The following HMGA2 variants were observed in gnomAD, a reference collection of about 807,000 sequenced individuals.
HMGA2 encodes high mobility group AT-hook 2, also known as high mobility group protein HMGI-C.
HMGA2 carries 8 observed loss-of-function variants against 19.1 expected under a neutral mutation model. The ratio of observed to expected loss-of-function variants is 0.42; its 90% CI spans 0.25 to 0.76. The LOEUF (loss-of-function observed/expected upper bound fraction) is 0.76, where lower values mean the gene tolerates loss of function less well. Among genes scored for constraint, HMGA2 ranks in the 30% least tolerant of loss-of-function variants. The pLI is 0.28. For missense variants in HMGA2, 109 were observed against 136.3 expected, an observed-to-expected ratio of 0.80 and a Z score of 1.00; for synonymous variants, 60 against 48.8, an observed-to-expected ratio of 1.23 and a Z score of -0.96.
chr12:65,863,897 A>T (rs1330876338), intron 3 of HMGA2, among the ~76,000 whole-genome samples: 1 of 152,238 alleles, frequency 6.6e-6, no homozygotes, highest in Admixed American at 6.5e-5. Context: ...TCCAGCAAAA[A>T]TGCTCTGTTC....
intron 3 of HMGA2, among the ~76,000 whole-genome samples, chr12:65,864,606 GA>G (rs959608424): frequency 6.6e-6 from 1 of 151,784 alleles, no homozygotes; most frequent in African/African-American, 2.4e-5. Context: ...AACATACTAG[GA>G]AAAAAAGGTT....
Position 65,895,973 on chromosome 12 carries a change from G to A in HMGA2, c.250-55410G>A, listed in dbSNP as rs1018675778. ...TTTGCATGTGTGTGTTTTCTTATCT[G>A]TAAAGTTTTAACTTTGGCTTACTGT... On this transcript the variant is annotated intron_variant, in intron 3 of 4. Coordinates refer to ENST00000403681, the MANE Select transcript of HMGA2 (RefSeq NM_003483.6). Among the ~76,000 whole-genome samples the A allele has an allele frequency of 1.1e-4, 16 of 152,288 alleles. 1 individual carries two copies. The highest frequency in any genetic ancestry group is 3.8e-4 in the African/African-American group (16 of 41,566).
intron 3 of HMGA2, among the ~76,000 whole-genome samples, chr12:65,844,050 C>CA (rs3048828): frequency 0.13 from 10,139 of 79,226 alleles, 1,020 homozygotes; most frequent in African/African-American, 0.25. Context: ...GACTCCATCT[C>CA]AAAAAAAAAA....
intron 3 of HMGA2, among the ~76,000 whole-genome samples, chr12:65,896,068 T>C (rs1235055535): frequency 6.6e-6 from 1 of 152,210 alleles, no homozygotes. Flanking sequence ...ATCTCCAAGG[T>C]TATGCAATAC....
chr12:65,864,970 T>G (rs992301853), intron 3 of HMGA2, among the ~76,000 whole-genome samples: 5 of 152,092 alleles, frequency 3.3e-5, no homozygotes, highest in Admixed American at 6.5e-5. Flanking sequence ...CTCTTCCACC[T>G]CTTCTCCCTC....
rs556397785 is a variant in HMGA2, at chr12:65,842,166, G to T, written c.249+3597G>T. 2.9e-5 allele frequency: 36 copies of T among 1,229,250 alleles called. No homozygotes were observed. In the African/African-American group the frequency reaches 5.6e-4, roughly 19 times the overall value. 76.1% of individuals were successfully genotyped at this position (1,229,250 alleles called of 1,614,324 possible). A position where few individuals can be genotyped will look rare whatever the true frequency, so the allele number is the denominator to read the frequency against. The stretch of plus-strand genomic sequence containing the variant: ...CTCAGGCTCTGGATTCAGATGGCTT[G>T]GGTTCAAATTCTGGTCCGTCACTTA... On this transcript the variant is annotated intron_variant, in intron 3 of 4. Transcript: ENST00000403681.
chr12:65,915,933 A>G (rs1875082689), intron 3 of HMGA2, among the ~76,000 whole-genome samples: 1 of 152,198 alleles, frequency 6.6e-6, no homozygotes, highest in Admixed American at 6.6e-5. Context: ...GAGCATCCAA[A>G]TGACCTAACC....
At chr12:65,891,272 A>C (rs1350317263) in intron 3 of HMGA2, among the ~76,000 whole-genome samples, 2 of 152,218 alleles carry the variant, frequency 1.3e-5, no homozygotes, top group African/African-American at 4.8e-5. Flanking sequence ...TAGGGGCCAG[A>C]CAGTGCTAGG....
intron 3 of HMGA2, chr12:65,867,617 G>A (rs1872496374): frequency 2.8e-6 from 1 of 356,788 alleles, no homozygotes; most frequent in South Asian, 2.2e-5. Flanking sequence ...CCAAGTTCAA[G>A]TTGTGTAAAA....
At position 65,825,706 on chromosome 12, in the gene HMGA2, C is replaced by A. The variant is rs1022440056; in HGVS notation, c.111+325C>A. On this transcript the variant is annotated intron_variant, in intron 1 of 4. Transcript: ENST00000403681. This position sits in a 1 kb window ranked among gnomAD's most constrained non-coding sequence, Gnocchi z 4.4. ...GTGTCGCCCAGTGACTGGAAGCGAC[C>A]GGGATCCGACAAACCCGGGCTCGCA... Among the ~76,000 whole-genome samples the A allele has an allele frequency of 1.3e-5, 2 of 152,144 alleles. No homozygotes were observed. The highest frequency in any genetic ancestry group is 2.4e-5 in the African/African-American group (1 of 41,450).
intron 4 of HMGA2, 180 bp downstream of exon 4, chr12:65,951,595 A>G (rs1482011051): frequency 7.5e-6 from 4 of 532,154 alleles, no homozygotes; most frequent in Non-Finnish European, 1.3e-5. Flanking sequence ...CAATCGTACC[A>G]TGAAAACCTC....
At chr12:65,866,178 C>T (rs1872400410) in intron 3 of HMGA2, among the ~76,000 whole-genome samples, 1 of 152,182 alleles carries the variant, frequency 6.6e-6, no homozygotes, top group African/African-American at 2.4e-5. Context: ...TTAGCCCACT[C>T]TGCTAATGCT....
Position 65,924,368 on chromosome 12 carries a change from C to T in HMGA2, c.250-27015C>T, listed in dbSNP as rs112704986. On this transcript the variant is annotated intron_variant, in intron 3 of 4. Coordinates refer to ENST00000403681, the MANE Select transcript of HMGA2 (RefSeq NM_003483.6). ...GTAAAATGAATATGGAAGAGGGACTCAAATTTTGTAAATGCTGTGGGGTTA... is the reference window on the plus strand; with the variant it reads ...GTAAAATGAATATGGAAGAGGGACTTAAATTTTGTAAATGCTGTGGGGTTA... Among the ~76,000 whole-genome samples, 1,324 of 152,232 alleles carry T rather than the reference C, an allele frequency of 8.7e-3. 21 individuals carry two copies. The highest frequency in any genetic ancestry group is 0.03 in the African/African-American group (1,237 of 41,518).
chr12:65,834,843 T>C (rs1270323088), intron 2 of HMGA2, among the ~76,000 whole-genome samples: 1 of 152,216 alleles, frequency 6.6e-6, no homozygotes, highest in African/African-American at 2.4e-5. Context: ...TTAACATTTC[T>C]CCTAATCTTC....
intron 3 of HMGA2, among the ~76,000 whole-genome samples, chr12:65,947,464 C>T (rs1876308898): frequency 6.6e-6 from 1 of 152,138 alleles, no homozygotes; most frequent in Admixed American, 6.5e-5. Flanking sequence ...GTGATTTTGT[C>T]AATGCTGCTA....
rs2120806580 is a variant in HMGA2, at chr12:65,825,223, G to T, written c.-48G>T. 6.8e-7 allele frequency: 1 copy of T among 1,466,334 alleles called. No individual in the cohort carries two copies. Among genetic ancestry groups the T allele is most frequent in the South Asian group, 1.2e-5 (1 of 81,172 alleles). 90.8% of individuals were successfully genotyped at this position (1,466,334 alleles called of 1,614,324 possible). A position where few individuals can be genotyped will look rare whatever the true frequency, so the allele number is the denominator to read the frequency against. On this transcript the variant is annotated 5_prime_UTR_variant, in exon 1 of 5. Coordinates refer to ENST00000403681, the MANE Select transcript of HMGA2 (RefSeq NM_003483.6). This position sits in a 1 kb window ranked among gnomAD's most constrained non-coding sequence, Gnocchi z 4.4. Reference sequence around the variant, plus strand: ...GAAAGGTGCTGGGCAGCTCCGGGGCGGTCGAGGCGAAGCGGCTGCAGCGGC... The same window carrying T: ...GAAAGGTGCTGGGCAGCTCCGGGGCTGTCGAGGCGAAGCGGCTGCAGCGGC...
intron 3 of HMGA2, among the ~76,000 whole-genome samples, chr12:65,886,510 C>T (rs1342888040): frequency 6.6e-6 from 1 of 152,140 alleles, no homozygotes; most frequent in Non-Finnish European, 1.5e-5. Context: ...CAGGCGTCCT[C>T]CCCATGCCCG....
chr12:65,891,491 G>C (rs562458559), intron 3 of HMGA2, among the ~76,000 whole-genome samples: 26 of 152,338 alleles, frequency 1.7e-4, no homozygotes, highest in Non-Finnish European at 2.9e-4. Flanking sequence ...TTGGGGGTGC[G>C]TTCTGTGGTC....
At chr12:65,961,440 T>G (rs1876746836) in intron 4 of HMGA2, among the ~76,000 whole-genome samples, 1 of 152,168 alleles carries the variant, frequency 6.6e-6, no homozygotes. Context: ...TCAAGAGGTA[T>G]AAACCTGCTG....
Sources: allele counts gnomAD v4.1 joint callset (sites outside exome capture counted in the v4.1 genomes callset), GRCh38; gene constraint gnomAD v4.1.1; non-coding constraint Gnocchi (gnomAD v3.1); transcripts MANE v1.5; gene names NCBI Gene and HGNC (gene_info 2026-07-23, HGNC 2026-07-21).